TNS3: variants seen among roughly 807,000 people sequenced by gnomAD.
The protein encoded by TNS3 is tensin-3.
In TNS3, 45 loss-of-function variants were observed where a neutral mutation model predicts 140.9. The ratio of observed to expected loss-of-function variants is 0.32; its 90% CI spans 0.25 to 0.41. The LOEUF (loss-of-function observed/expected upper bound fraction) is 0.41. Among genes scored for constraint, TNS3 ranks in the 10% least tolerant of loss-of-function variants. The pLI is 1.00. For synonymous variants in TNS3, 815 were observed against 788.4 expected (o/e 1.03, Z -0.56); for missense variants, 1,716 against 1,906.7 (o/e 0.90, Z 1.86).
chr7:47,370,043 T>A (rs1011219119), intron 16 of TNS3, among the ~76,000 whole-genome samples: 1 of 152,226 alleles, frequency 6.6e-6, no homozygotes, highest in African/African-American at 2.4e-5. Context: ...CTAACATTTG[T>A]TGAGCATCAG....
At chr7:47,376,110 T>C (rs1407816862) in intron 16 of TNS3, among the ~76,000 whole-genome samples, 3 of 152,250 alleles carry the variant, frequency 2.0e-5, no homozygotes, top group African/African-American at 7.2e-5. Context: ...AAGCACTTGC[T>C]ATGATTGCTA....
intron 16 of TNS3, among the ~76,000 whole-genome samples, chr7:47,385,333 G>T (rs879721317): frequency 6.6e-6 from 1 of 152,234 alleles, no homozygotes; most frequent in Admixed American, 6.5e-5. Flanking sequence ...AATGCAAGCT[G>T]CATGCTCGGA....
At chr7:47,553,251 T>C (rs896610856) in intron 1 of TNS3, among the ~76,000 whole-genome samples, 4 of 152,218 alleles carry the variant, frequency 2.6e-5, no homozygotes, top group Non-Finnish European at 4.4e-5. Flanking sequence ...GCTAAGACCA[T>C]TGATGAAGGT....
At chr7:47,464,247 A>G (rs60572661) in intron 4 of TNS3, among the ~76,000 whole-genome samples, 2,449 of 152,330 alleles carry the variant, frequency 0.016, 63 homozygotes, top group African/African-American at 0.055. Flanking sequence ...AGAAGCTTAC[A>G]GCATTTTCTA....
intron 16 of TNS3, among the ~76,000 whole-genome samples, chr7:47,388,593 G>A (rs1431829997): frequency 6.6e-6 from 1 of 152,196 alleles, no homozygotes; most frequent in South Asian, 2.1e-4. Context: ...GGCCAGGCGT[G>A]GTGGCTCACA....
chr7:47,561,424 A>G (rs929923727), intron 1 of TNS3, among the ~76,000 whole-genome samples: 1 of 152,098 alleles, frequency 6.6e-6, no homozygotes. Context: ...AAACTTCTCT[A>G]CTTTCCAGAA....
At chr7:47,517,325 C>T (rs1224108031) in intron 2 of TNS3, among the ~76,000 whole-genome samples, 2 of 152,134 alleles carry the variant, frequency 1.3e-5, no homozygotes, top group Non-Finnish European at 2.9e-5. Context: ...CGTCCTGCAG[C>T]CCCACGCTTG....
At chr7:47,524,808 CAAGAAAAAAA>C (rs1187146532) in intron 2 of TNS3, among the ~76,000 whole-genome samples, 8 of 25,256 alleles carry the variant, frequency 3.2e-4, no homozygotes, top group South Asian at 4.2e-3. Flanking sequence ...GACTCCGTCT[CAAGAAAAAAA>C]AAAAAAAAAA....
At chr7:47,517,845 G>C (rs1438645755) in intron 2 of TNS3, among the ~76,000 whole-genome samples, 1 of 152,198 alleles carries the variant, frequency 6.6e-6, no homozygotes, top group East Asian at 1.9e-4. Flanking sequence ...GTCAAGAAAA[G>C]TCTGAAGAGA....
At chr7:47,499,762 C>T (rs1045920409) in intron 3 of TNS3, among the ~76,000 whole-genome samples, 4 of 152,084 alleles carry the variant, frequency 2.6e-5, no homozygotes, top group Admixed American at 6.5e-5. Context: ...CTACTCCATA[C>T]GGTACTGTCA....
intron 11 of TNS3, 38 bp from the exon 12 acceptor site, chr7:47,414,035 G>T (rs187669412): frequency 6.2e-7 from 1 of 1,602,662 alleles, no homozygotes; most frequent in South Asian, 1.1e-5. Flanking sequence ...AGGCATGACC[G>T]GTACAGAACG....
chr7:47,302,366 C>A, intron 22 of TNS3, 94 bp from the exon 23 acceptor site: 1 of 1,047,472 alleles, frequency 9.5e-7, no homozygotes, highest in Admixed American at 1.8e-5. Flanking sequence ...AAATCCCATG[C>A]CAAGGGCAAG....
intron 23 of TNS3, among the ~76,000 whole-genome samples, chr7:47,299,126 T>A (rs1211128250): frequency 6.6e-6 from 1 of 152,184 alleles, no homozygotes. Context: ...TGAATGACAT[T>A]TTTTCAGTTT....
intron 13 of TNS3, among the ~76,000 whole-genome samples, chr7:47,401,625 C>G (rs1359647185): frequency 6.6e-6 from 1 of 152,296 alleles, no homozygotes; most frequent in East Asian, 1.9e-4. Context: ...TAGAGCAAGC[C>G]CCTCCTTGCA....
At chr7:47,468,782 A>T (rs1796826140) in intron 4 of TNS3, among the ~76,000 whole-genome samples, 1 of 152,256 alleles carries the variant, frequency 6.6e-6, no homozygotes, top group Non-Finnish European at 1.5e-5. Flanking sequence ...AAAATAGCCA[A>T]AGCAATCCTA....
intron 2 of TNS3, among the ~76,000 whole-genome samples, chr7:47,519,716 T>G (rs941734820): frequency 6.6e-6 from 1 of 151,706 alleles, no homozygotes; most frequent in African/African-American, 2.4e-5. Context: ...TGATAGGGGA[T>G]CCTGCCTGTC....
In TNS3 at chr7:47,344,618, C is replaced by A. The variant is rs568908269; in HGVS notation, c.2650+137G>T. ...ATCCCTACATCTTTCCCAGCAAGAT[C>A]CATCCTCATCCAAGGCTTCTGAGAT... On this transcript the variant is annotated intron_variant, in intron 20 of 30. Coordinates refer to ENST00000311160, the MANE Select transcript of TNS3 (RefSeq NM_022748.12). The A allele has an allele frequency of 1.2e-3, 1,002 of 830,346 alleles. 28 individuals carry two copies. The South Asian group carries it at 0.017, about 14-fold the overall frequency. 51.4% of individuals were successfully genotyped at this position (830,346 alleles called of 1,614,324 possible).
intron 20 of TNS3, among the ~76,000 whole-genome samples, chr7:47,309,259 A>G (rs1786939308): frequency 6.6e-6 from 1 of 152,234 alleles, no homozygotes; most frequent in African/African-American, 2.4e-5. Flanking sequence ...TGAAGCATAC[A>G]TCTCTAATCT....
In TNS3 at chr7:47,360,822, G is replaced by A. The variant is rs1468067024; in HGVS notation, c.2281+7543C>T. Among the ~76,000 whole-genome samples, 4 of 152,172 alleles carry A rather than the reference G, an allele frequency of 2.6e-5. 1 individual carries two copies. Among genetic ancestry groups the A allele is most frequent in the Non-Finnish European group, 5.9e-5 (4 of 68,028 alleles). On this transcript the variant is annotated intron_variant, in intron 17 of 30. Coordinates refer to ENST00000311160, the MANE Select transcript of TNS3 (RefSeq NM_022748.12). Reference sequence around the variant, plus strand: ...ATGCTCTGAGGGCCCGGCACTGGCAGGATGATGCCCATAACTGGGCACTGC... The same window carrying A: ...ATGCTCTGAGGGCCCGGCACTGGCAAGATGATGCCCATAACTGGGCACTGC...
Sources: gnomAD v4.1 joint callset for allele counts (sites outside exome capture counted in the v4.1 genomes callset) on GRCh38, gnomAD v4.1.1 for gene constraint, MANE v1.5 for transcripts, NCBI Gene and HGNC (gene_info 2026-07-23, HGNC 2026-07-21) for gene names.